AFF3: variants seen among roughly 807,000 people sequenced by gnomAD.
AFF3 encodes ALF transcription elongation factor 3, also known as AF4/FMR2 family member 3.
AFF3 carries 32 observed loss-of-function variants against 129.7 expected under a neutral mutation model. The observed-to-expected ratio is 0.25, with a 90% CI of 0.19 to 0.33. The LOEUF is 0.33. Among genes scored for constraint, AFF3 ranks in the 10% least tolerant of loss-of-function variants. The pLI is 1.00. For missense variants in AFF3, 1,373 were observed against 1,592.0 expected (o/e 0.86, Z 2.34); for synonymous variants, 644 against 635.4 (o/e 1.01, Z -0.20).
chr2:99,582,672 G>T, intron 17 of AFF3, 126 bp downstream of exon 17: 1 of 982,328 alleles, frequency 1.0e-6, no homozygotes, highest in East Asian at 2.5e-5. Context: ...TCCTAGAAGC[G>T]GGAGGCATTC....
intron 7 of AFF3, among the ~76,000 whole-genome samples, chr2:99,988,448 G>A (rs1419546829): frequency 6.6e-6 from 1 of 152,168 alleles, no homozygotes; most frequent in Non-Finnish European, 1.5e-5. Context: ...AGCTGGAGGG[G>A]TGAGGTGATG....
At chr2:99,794,682 CT>C (rs1685438440) in intron 8 of AFF3, among the ~76,000 whole-genome samples, 1 of 152,160 alleles carries the variant, frequency 6.6e-6, no homozygotes. Flanking sequence ...CTCCAGCTGC[CT>C]AGGCCTTTTC....
At chr2:100,137,421 C>A (rs1573480514) in intron 1 of AFF3, among the ~76,000 whole-genome samples, 1 of 152,178 alleles carries the variant, frequency 6.6e-6, no homozygotes, top group East Asian at 1.9e-4. Context: ...CAGGGACAGC[C>A]CAGGCAAAGT....
At chr2:99,561,674 G>T (rs142781080) in intron 20 of AFF3, among the ~76,000 whole-genome samples, 63 of 152,152 alleles carry the variant, frequency 4.1e-4, no homozygotes, top group African/African-American at 1.5e-3. Context: ...CACTGTGCCT[G>T]GACTGCTGGT....
At chr2:100,105,741 G>T (rs1050194216) in intron 2 of AFF3, 158 bp from the exon 3 acceptor site, 2 of 1,363,034 alleles carry the variant, frequency 1.5e-6, no homozygotes, top group African/African-American at 2.9e-5. Flanking sequence ...AGTTGGCCTA[G>T]AACCGGAAGC....
chr2:100,014,181 G>A (rs1309458170), intron 4 of AFF3, among the ~76,000 whole-genome samples: 1 of 151,798 alleles, frequency 6.6e-6, no homozygotes, highest in African/African-American at 2.4e-5. Context: ...TTAGGCAAGG[G>A]TATATGAAGC....
intron 4 of AFF3, among the ~76,000 whole-genome samples, chr2:100,045,619 CCCTTTCCCCTCCCTCCA>C (rs1384113681): frequency 6.6e-6 from 1 of 150,902 alleles, no homozygotes; most frequent in African/African-American, 2.4e-5. Context: ...TCTCCTGCCT[CCCTTTCCCCTCCCTCCA>C]CCTTTCCCAC....
At chr2:99,680,548 G>A (rs1337671887) in intron 11 of AFF3, among the ~76,000 whole-genome samples, 1 of 152,196 alleles carries the variant, frequency 6.6e-6, no homozygotes, top group Non-Finnish European at 1.5e-5. Context: ...CCTAACCAGA[G>A]GGGAAATGAG....
intron 8 of AFF3, among the ~76,000 whole-genome samples, chr2:99,771,718 C>T (rs993236147): frequency 6.6e-6 from 1 of 152,126 alleles, no homozygotes; most frequent in African/African-American, 2.4e-5. Context: ...GTTTCAGAGC[C>T]ACAGGAAACT....
chr2:99,625,930 C>T (rs745757093), intron 13 of AFF3, among the ~76,000 whole-genome samples: 1 of 152,120 alleles, frequency 6.6e-6, no homozygotes, highest in Non-Finnish European at 1.5e-5. Flanking sequence ...GACTGAAACA[C>T]CTTCCAGCTA....
intron 4 of AFF3, among the ~76,000 whole-genome samples, chr2:100,024,451 A>G (rs1311832181): frequency 6.7e-6 from 1 of 148,922 alleles, no homozygotes; most frequent in Non-Finnish European, 1.5e-5. Context: ...AACAAAAAAA[A>G]TACAAAATTA....
chr2:99,711,073 C>T (rs1677844757), intron 11 of AFF3, among the ~76,000 whole-genome samples: 1 of 152,134 alleles, frequency 6.6e-6, no homozygotes, highest in African/African-American at 2.4e-5. Context: ...CCAGCCTCCT[C>T]ACAGCCTCAA....
chr2:100,125,129 A>T (rs1692131573), intron 2 of AFF3, among the ~76,000 whole-genome samples: 3 of 152,152 alleles, frequency 2.0e-5, no homozygotes, highest in Admixed American at 6.5e-5. Flanking sequence ...TTAAAGTGGG[A>T]AATAAAGAGA....
At chr2:99,897,052 A>AT (rs1694024385) in intron 7 of AFF3, among the ~76,000 whole-genome samples, 1 of 152,100 alleles carries the variant, frequency 6.6e-6, no homozygotes, top group African/African-American at 2.4e-5. Context: ...ACTACATATA[A>AT]TTTTTTTAAT....
intron 9 of AFF3, among the ~76,000 whole-genome samples, chr2:99,750,740 C>T (rs1007786048): frequency 2.0e-5 from 3 of 152,076 alleles, no homozygotes; most frequent in Admixed American, 2.0e-4. Context: ...AAACACAATC[C>T]AAAGTAACTG....
chr2:99,826,481 C>A (rs1489211811), intron 8 of AFF3, among the ~76,000 whole-genome samples: 1 of 152,164 alleles, frequency 6.6e-6, no homozygotes, highest in Non-Finnish European at 1.5e-5. Context: ...CTAACTCAGA[C>A]TTTGGGAATC....
chr2:99,775,528 G>A (rs1159016708), intron 8 of AFF3, among the ~76,000 whole-genome samples: 1 of 152,126 alleles, frequency 6.6e-6, no homozygotes, highest in Non-Finnish European at 1.5e-5. Context: ...ACACATGTGT[G>A]GGAAAGACAC....
At chr2:99,852,591 A>G (rs564655353) in intron 7 of AFF3, among the ~76,000 whole-genome samples, 117 of 152,354 alleles carry the variant, frequency 7.7e-4, no homozygotes, top group African/African-American at 2.8e-3. Context: ...CTGTGCCAGT[A>G]CCAGGGATAC....
intron 4 of AFF3, among the ~76,000 whole-genome samples, chr2:100,030,808 ATAGAG>A (rs1684430063): frequency 6.6e-6 from 1 of 152,188 alleles, no homozygotes; most frequent in Admixed American, 6.5e-5. Context: ...AAAGCTAAAT[ATAGAG>A]TAGTTTCCAG....
Sources: gnomAD v4.1 joint callset for allele counts (sites outside exome capture counted in the v4.1 genomes callset) on GRCh38, gnomAD v4.1.1 for gene constraint, MANE v1.5 for transcripts, NCBI Gene and HGNC (gene_info 2026-07-23, HGNC 2026-07-21) for gene names.